ARL15: variants seen among roughly 807,000 people sequenced by gnomAD.
The protein encoded by ARL15 is ARF like GTPase 15.
ARL15 carries 19 observed loss-of-function variants against 25.2 expected under a neutral mutation model. The ratio of observed to expected loss-of-function variants is 0.75; its 90% CI spans 0.53 to 1.10. The LOEUF is 1.10. Ranked by LOEUF, ARL15 falls within the 50% of genes least tolerant of loss-of-function variation. The pLI is 0.00. For synonymous variants in ARL15, 94 were observed against 86.8 expected (o/e 1.08, Z -0.46); for missense variants, 220 against 246.0 (o/e 0.89, Z 0.71).
intron 2 of ARL15, among the ~76,000 whole-genome samples, chr5:54,160,324 T>C (rs565498884): frequency 1.3e-5 from 2 of 152,362 alleles, no homozygotes; most frequent in African/African-American, 4.8e-5. Context: ...TATTTAAATG[T>C]CTTCTTCAAA....
At chr5:53,965,213 AT>A (rs921731134) in intron 4 of ARL15, among the ~76,000 whole-genome samples, 1 of 152,134 alleles carries the variant, frequency 6.6e-6, no homozygotes, top group Non-Finnish European at 1.5e-5. Flanking sequence ...CTTAGAATAT[AT>A]TTCTTGTTTG....
At chr5:53,970,417 T>A (rs1009457011) in intron 4 of ARL15, among the ~76,000 whole-genome samples, 1 of 152,172 alleles carries the variant, frequency 6.6e-6, no homozygotes, top group Non-Finnish European at 1.5e-5. Flanking sequence ...GTTCCAGGTA[T>A]TTCAATAGCT....
chr5:54,265,200 C>G lies in ARL15; in HGVS notation c.48+45232G>C, dbSNP rs191272649. ...AACTCTTTTTGCTGATCCCTTTCAA[C>G]ATTTTTGCTTTAATATCACTTTTAA... On this transcript the variant is annotated intron_variant, in intron 1 of 4. Coordinates refer to ENST00000504924, the MANE Select transcript of ARL15 (RefSeq NM_019087.3). Among the ~76,000 whole-genome samples, 216 of 152,302 alleles carry G rather than the reference C, an allele frequency of 1.4e-3. 2 individuals are homozygous for G. Among genetic ancestry groups the G allele is most frequent in the Middle Eastern group, 6.8e-3 (2 of 294 alleles).
rs1322203300 is a variant in ARL15, at chr5:54,028,508, A to T, written c.462+84694T>A. The stretch of plus-strand genomic sequence containing the variant: ...GTTGAGGGGAATCTTCTTTTTAGTA[A>T]ATTAAAAAAAAAAAAAAACCACAAC... On this transcript the variant is annotated intron_variant, in intron 4 of 4. Coordinates refer to ENST00000504924, the MANE Select transcript of ARL15 (RefSeq NM_019087.3). 5.5e-5 allele frequency among the ~76,000 whole-genome samples: 5 copies of T among 91,264 alleles called. 1 individual carries two copies. The highest frequency in any genetic ancestry group is 1.4e-4 in the Admixed American group (1 of 7,342). The allele number at this position is 91,264 out of a possible 152,430, so 59.9% of individuals were successfully genotyped here. A position where few individuals can be genotyped will look rare whatever the true frequency, so the allele number is the denominator to read the frequency against.
At chr5:54,279,483 T>C (rs1015863797) in intron 1 of ARL15, among the ~76,000 whole-genome samples, 1 of 152,166 alleles carries the variant, frequency 6.6e-6, no homozygotes, top group Non-Finnish European at 1.5e-5. Flanking sequence ...CCCTTCGGTG[T>C]CTCTTCTTAT....
rs116020029 is a variant in ARL15 at position 54,306,363 on chromosome 5, C to T, written c.48+4069G>A. ...CATTCTACAGGAGGTATAAAAGTAA[C>T]ATCAGCAACATAATCACAATACGTT... is the stretch of plus-strand genomic sequence containing the variant. On this transcript the variant is annotated intron_variant, in intron 1 of 4. Transcript: ENST00000504924. Among the ~76,000 whole-genome samples, 1,158 of 151,358 alleles carry T rather than the reference C, an allele frequency of 7.7e-3. 13 individuals carry two copies. Among genetic ancestry groups the T allele is most frequent in the African/African-American group, 0.026 (1,057 of 41,294 alleles).
chr5:54,005,238 G>A (rs1410232976), intron 4 of ARL15, among the ~76,000 whole-genome samples: 1 of 149,190 alleles, frequency 6.7e-6, no homozygotes, highest in Non-Finnish European at 1.5e-5. Flanking sequence ...GTAGTAGATG[G>A]CAGAAGACAA....
chr5:53,886,851 G>A lies in ARL15; in HGVS notation c.463-138C>T, dbSNP rs1251531891. ...GTGATGCCTACAACTTTGCAATGTG[G>A]ATGCCTGTCCGCAGCTGTTGTTATA... On this transcript the variant is annotated intron_variant, in intron 4 of 4. Transcript: ENST00000504924. The A allele has an allele frequency of 6.5e-6, 5 of 764,858 alleles. No individual in the cohort carries two copies. The East Asian group carries it at 1.3e-4, about 21-fold the overall frequency. 47.4% of individuals were successfully genotyped at this position (764,858 alleles called of 1,614,324 possible).
At chr5:54,197,133 T>A (rs1169580316) in intron 1 of ARL15, among the ~76,000 whole-genome samples, 2 of 152,110 alleles carry the variant, frequency 1.3e-5, no homozygotes, top group Non-Finnish European at 2.9e-5. Context: ...GTTTTTTTTT[T>A]ATTTTTTTAC....
chr5:54,070,510 C>T (rs904979323), intron 4 of ARL15, among the ~76,000 whole-genome samples: 1 of 152,122 alleles, frequency 6.6e-6, no homozygotes, highest in Admixed American at 6.5e-5. Context: ...GATGTGGCTC[C>T]TCCACCTTGG....
intron 1 of ARL15, among the ~76,000 whole-genome samples, chr5:54,223,106 G>A (rs957184629): frequency 6.6e-6 from 1 of 151,226 alleles, no homozygotes; most frequent in Non-Finnish European, 1.5e-5. Context: ...TAGTCAAACT[G>A]GGCCTTAAAA....
intron 1 of ARL15, among the ~76,000 whole-genome samples, chr5:54,218,844 T>C (rs143805807): frequency 1.0e-3 from 155 of 152,282 alleles, no homozygotes; most frequent in Non-Finnish European, 1.8e-3. Flanking sequence ...AAAGACTCTT[T>C]AACCTATGTG....
chr5:53,969,153 AAAAC>A (rs1045989648), intron 4 of ARL15, among the ~76,000 whole-genome samples: 5 of 152,146 alleles, frequency 3.3e-5, no homozygotes, highest in Non-Finnish European at 5.9e-5. Context: ...TCCATCTCAA[AAAAC>A]AAACAAACAA....
intron 4 of ARL15, among the ~76,000 whole-genome samples, chr5:54,045,071 C>T (rs1036581057): frequency 5.3e-5 from 8 of 152,174 alleles, no homozygotes; most frequent in Admixed American, 1.3e-4. Flanking sequence ...AGTTATATAA[C>T]GTTCCCAGAA....
intron 4 of ARL15, among the ~76,000 whole-genome samples, chr5:54,012,274 A>C (rs1234310434): frequency 6.6e-6 from 1 of 152,224 alleles, no homozygotes; most frequent in Admixed American, 6.5e-5. Context: ...GTAGTCTTCC[A>C]GAAATAAAGA....
chr5:54,076,326 C>G (rs1046876221), intron 4 of ARL15, among the ~76,000 whole-genome samples: 3 of 151,108 alleles, frequency 2.0e-5, no homozygotes, highest in African/African-American at 7.3e-5. Context: ...GAGGCTGAGG[C>G]AGGAGAATGG....
At chr5:54,093,965 T>A (rs1752208218) in intron 4 of ARL15, among the ~76,000 whole-genome samples, 3 of 152,136 alleles carry the variant, frequency 2.0e-5, no homozygotes, top group Non-Finnish European at 4.4e-5. Context: ...TGCAGATGTG[T>A]TTTCAGTGTG....
chr5:54,153,205 C>A (rs926769124), intron 3 of ARL15, among the ~76,000 whole-genome samples: 5 of 151,930 alleles, frequency 3.3e-5, no homozygotes, highest in African/African-American at 1.2e-4. Flanking sequence ...TCAGCAGAAG[C>A]CACAAAGCAA....
At chr5:54,246,801 CA>C (rs1757098894) in intron 1 of ARL15, among the ~76,000 whole-genome samples, 2 of 10,376 alleles carry the variant, frequency 1.9e-4, no homozygotes, top group African/African-American at 4.3e-4. Context: ...CATGCATACA[CA>C]CACACACACA....
Sources: gnomAD v4.1 joint callset for allele counts (sites outside exome capture counted in the v4.1 genomes callset) on GRCh38, gnomAD v4.1.1 for gene constraint, MANE v1.5 for transcripts, NCBI Gene and HGNC (gene_info 2026-07-23, HGNC 2026-07-21) for gene names.